Variants in MYBL2 observed in about 807,000 individuals in gnomAD.
The protein encoded by MYBL2 is myb-related protein B.
In MYBL2, 28 loss-of-function variants were observed where a neutral mutation model predicts 79.9. That is an observed-to-expected ratio of 0.35 (90% CI 0.26 to 0.48). The LOEUF (loss-of-function observed/expected upper bound fraction) is 0.48, where lower values mean the gene tolerates loss of function less well. MYBL2 is among the 20% of genes least tolerant of loss of function. The pLI is 0.99. For missense variants in MYBL2, 735 were observed against 893.9 expected (o/e 0.82, Z 2.27); for synonymous variants, 378 against 361.2 (o/e 1.05, Z -0.53).
At chr20:43,670,471 A>T (rs1297829593) in intron 1 of MYBL2, among the ~76,000 whole-genome samples, 1 of 152,166 alleles carries the variant, frequency 6.6e-6, no homozygotes, top group African/African-American at 2.4e-5. Flanking sequence ...GGCCTAAAAA[A>T]TTTAATTAGT....
rs1471903189 is a variant in MYBL2, at chr20:43,681,941, A to T, written c.186+86A>T. On this transcript the variant is annotated intron_variant, in intron 3 of 13. Coordinates refer to ENST00000217026, the MANE Select transcript of MYBL2 (RefSeq NM_002466.4). ...TGGGACAGACTTTGCCAAGGAGGGG[A>T]AAAGGGAGTTCCTTACTCAGCCCCT... 4.3e-6 allele frequency: 6 copies of T among 1,394,504 alleles called. No individual in the cohort carries two copies. The East Asian group carries it at 1.2e-4, about 27-fold the overall frequency. 86.4% of individuals were successfully genotyped at this position (1,394,504 alleles called of 1,614,324 possible). A position where few individuals can be genotyped will look rare whatever the true frequency, so the allele number is the denominator to read the frequency against.
chr20:43,714,497 G>A (rs1023497357), intron 12 of MYBL2, among the ~76,000 whole-genome samples: 2 of 152,084 alleles, frequency 1.3e-5, no homozygotes, highest in Non-Finnish European at 2.9e-5. Flanking sequence ...GGGCTGATGT[G>A]CCCCCACGTA....
chr20:43,688,214 T>A (rs1286685700), intron 5 of MYBL2, among the ~76,000 whole-genome samples: 3 of 151,890 alleles, frequency 2.0e-5, no homozygotes, highest in African/African-American at 7.3e-5. Context: ...TATTCTTTTT[T>A]TTGGGAGACC....
intron 6 of MYBL2, among the ~76,000 whole-genome samples, chr20:43,694,506 C>T (rs746334352): frequency 7.9e-5 from 12 of 152,136 alleles, no homozygotes; most frequent in Admixed American, 2.6e-4. Flanking sequence ...CTTTTTCCCT[C>T]TTCTTACTGG....
intron 5 of MYBL2, among the ~76,000 whole-genome samples, chr20:43,689,268 G>A (rs1987351290): frequency 6.6e-6 from 1 of 152,174 alleles, no homozygotes; most frequent in South Asian, 2.1e-4. Flanking sequence ...ATGCCAGATG[G>A]TGTGTTTTCC....
intron 3 of MYBL2, 140 bp downstream of exon 3, chr20:43,681,995 A>G (rs1419429595): frequency 1.2e-6 from 1 of 806,344 alleles, no homozygotes; most frequent in African/African-American, 1.7e-5. Context: ...AACAGGGCAA[A>G]TGGACCTTTG....
chr20:43,691,626 A>G (rs916139408), intron 5 of MYBL2, among the ~76,000 whole-genome samples: 7 of 149,072 alleles, frequency 4.7e-5, no homozygotes, highest in East Asian at 2.0e-4. Flanking sequence ...CACAACCTCT[A>G]CCTCCTGGGT....
chr20:43,687,176 TC>T, intron 5 of MYBL2, 104 bp downstream of exon 5: 1 of 1,214,764 alleles, frequency 8.2e-7, no homozygotes, highest in Non-Finnish European at 1.2e-6. Context: ...GTGCTCTTGT[TC>T]TGTAACACCC....
At chr20:43,702,342 T>C (rs1054156783) in intron 7 of MYBL2, 148 bp from the exon 8 acceptor site, 3 of 879,910 alleles carry the variant, frequency 3.4e-6, no homozygotes, top group African/African-American at 3.4e-5. Context: ...TGTATAGTCA[T>C]AGAAAACTTT....
intron 6 of MYBL2, among the ~76,000 whole-genome samples, chr20:43,699,061 A>G (rs1382774192): frequency 6.6e-6 from 1 of 151,472 alleles, no homozygotes; most frequent in Admixed American, 6.6e-5. Context: ...TTTTTGAGAC[A>G]GAGTTTTGCT....
chr20:43,706,732 T>TTTTTTTTTTTTTTTG, intron 9 of MYBL2, among the ~76,000 whole-genome samples: 1 of 135,492 alleles, frequency 7.4e-6, no homozygotes, highest in African/African-American at 2.8e-5. Context: ...TTTTTTTTTT[T>TTTTTTTTTTTTTTTG]TGAGATGGAG....
chr20:43,686,074 A>G (rs1421891541), intron 4 of MYBL2, among the ~76,000 whole-genome samples: 2 of 152,074 alleles, frequency 1.3e-5, no homozygotes, highest in Non-Finnish European at 2.9e-5. Flanking sequence ...TGAAAACATA[A>G]AATCTTTAAA....
rs1986734548 is a variant in MYBL2, at chr20:43,667,214, A to G, written c.-70A>G. 1 of 1,142,826 alleles carries G rather than the reference A, an allele frequency of 8.8e-7. No homozygotes were observed. Among genetic ancestry groups the G allele is most frequent in the Non-Finnish European group, 1.1e-6 (1 of 922,768 alleles). The allele number at this position is 1,142,826 out of a possible 1,614,324, so 70.8% of individuals were successfully genotyped here. A position where few individuals can be genotyped will look rare whatever the true frequency, so the allele number is the denominator to read the frequency against. On this transcript the variant is annotated 5_prime_UTR_variant, in exon 1 of 14. Transcript: ENST00000217026. ...AGCGGCCGGAGCAGCCCGGGTCCTG[A>G]CCCCGGCCCGGCTCCCGCTCCGGGC...
intron 10 of MYBL2, among the ~76,000 whole-genome samples, chr20:43,710,955 A>G (rs1031717541): frequency 1.4e-4 from 22 of 152,202 alleles, no homozygotes; most frequent in African/African-American, 5.3e-4. Flanking sequence ...GGCTTTTCGG[A>G]TGACTTATGA....
intron 3 of MYBL2, among the ~76,000 whole-genome samples, chr20:43,682,483 C>G (rs1300967620): frequency 6.6e-6 from 1 of 152,232 alleles, no homozygotes; most frequent in African/African-American, 2.4e-5. Context: ...TAAAAATGCT[C>G]TCCTAGAAAA....
intron 4 of MYBL2, among the ~76,000 whole-genome samples, chr20:43,686,419 C>T (rs923626280): frequency 6.6e-6 from 1 of 152,150 alleles, no homozygotes; most frequent in Non-Finnish European, 1.5e-5. Flanking sequence ...GGTCTTGTGG[C>T]AGCCTGGGGC....
At chr20:43,714,257 G>A (rs898656383) in intron 12 of MYBL2, among the ~76,000 whole-genome samples, 16 of 152,176 alleles carry the variant, frequency 1.1e-4, no homozygotes, top group African/African-American at 2.9e-4. Flanking sequence ...CTGGAAGGGC[G>A]TGGGAGGGGC....
At chr20:43,692,708 C>T (rs868403041) in intron 6 of MYBL2, among the ~76,000 whole-genome samples, 8 of 152,170 alleles carry the variant, frequency 5.3e-5, no homozygotes, top group Non-Finnish European at 1.0e-4. Flanking sequence ...CTGAAGCGGG[C>T]GGATTGCTCA....
rs1434923526 is a variant in MYBL2, at chr20:43,667,200, C to A, written c.-84C>A. ...GGCCCGGGGCCCGGAGCGGCCGGAG[C>A]AGCCCGGGTCCTGACCCCGGCCCGG... On this transcript the variant is annotated 5_prime_UTR_variant, in exon 1 of 14. Transcript: ENST00000217026. 9.9e-7 allele frequency: 1 copy of A among 1,011,428 alleles called. No individual in the cohort carries two copies. Among genetic ancestry groups the A allele is most frequent in the Non-Finnish European group, 1.2e-6 (1 of 806,408 alleles). The allele number at this position is 1,011,428 out of a possible 1,614,324, so 62.7% of individuals were successfully genotyped here.
Sources: gnomAD v4.1 joint callset for allele counts (sites outside exome capture counted in the v4.1 genomes callset) on GRCh38, gnomAD v4.1.1 for gene constraint, MANE v1.5 for transcripts, NCBI Gene and HGNC (gene_info 2026-07-23, HGNC 2026-07-21) for gene names.